The following PLEKHS1 variants were observed in gnomAD, a reference collection of about 807,000 sequenced individuals.
PLEKHS1 encodes the protein pleckstrin homology domain-containing family S member 1.
PLEKHS1 carries 55 observed loss-of-function variants against 51.0 expected under a neutral mutation model. The observed-to-expected ratio is 1.08, with a 90% confidence interval of 0.87 to 1.35. The LOEUF is 1.35. Among genes scored for constraint, PLEKHS1 ranks in the 40% most tolerant of loss-of-function variants. The pLI is 0.00. For synonymous variants in PLEKHS1, 153 were observed against 144.8 expected (o/e 1.06, Z -0.41); for missense variants, 398 against 423.0 (o/e 0.94, Z 0.52).
chr10:113,761,797 T>G (rs986653386), intron 2 of PLEKHS1, among the ~76,000 whole-genome samples: 8 of 152,064 alleles, frequency 5.3e-5, no homozygotes, highest in African/African-American at 1.9e-4. Flanking sequence ...TTTAAATAAG[T>G]TTGCTAAGAG....
exon 6 of PLEKHS1, chr10:113,768,862 A>T: frequency 6.2e-7 from 1 of 1,613,712 alleles, no homozygotes; most frequent in Non-Finnish European, 8.5e-7. Flanking sequence ...TTTCGCCAGG[A>T]TATAAAAGCA....
chr10:113,759,696 C>T (rs79657098), intron 2 of PLEKHS1, among the ~76,000 whole-genome samples: 26 of 151,978 alleles, frequency 1.7e-4, no homozygotes, highest in Non-Finnish European at 3.5e-4. Flanking sequence ...GTTGAATATC[C>T]AGGTTGCTTC....
chr10:113,772,193 C>A lies in PLEKHS1; in HGVS notation c.672+104C>A, dbSNP rs183495801. 8.1e-5 allele frequency: 102 copies of A among 1,257,860 alleles called. No homozygotes were observed. The African/African-American group carries it at 1.5e-3, about 18-fold the overall frequency. The allele number at this position is 1,257,860 out of a possible 1,614,324, so 77.9% of individuals were successfully genotyped here. On this transcript the variant is annotated intron_variant, in intron 8 of 11. Coordinates refer to ENST00000361048, the Ensembl canonical transcript of PLEKHS1. Reference sequence around the variant, plus strand: ...TATTAGGCTATGGTCAGTGGGAACACAGAAGTAAATCAAATACAGATGACG... The same window carrying A: ...TATTAGGCTATGGTCAGTGGGAACAAAGAAGTAAATCAAATACAGATGACG...
intron 7 of PLEKHS1, 110 bp downstream of exon 7, chr10:113,770,010 C>T (rs535528472): frequency 1.9e-5 from 15 of 791,494 alleles, no homozygotes; most frequent in South Asian, 5.8e-5. Flanking sequence ...CCTCAAAGCC[C>T]GATGCACTAT....
In PLEKHS1 at chr10:113,777,263, A is replaced by G. The variant is rs1186518839; in HGVS notation, c.1091+1397A>G. Reference sequence around the variant, plus strand: ...TACCCGGTCCATCCAGAAGGAGGTGAGTCGTACTGACCAGCCCTGAACAGG... The same window carrying G: ...TACCCGGTCCATCCAGAAGGAGGTGGGTCGTACTGACCAGCCCTGAACAGG... On this transcript the variant is annotated intron_variant, in intron 11 of 11. Coordinates refer to ENST00000361048, the Ensembl canonical transcript of PLEKHS1. 2.5e-6 allele frequency: 4 copies of G among 1,612,838 alleles called. No individual in the cohort carries two copies. In the South Asian group the frequency reaches 3.3e-5, roughly 13 times the overall value.
At chr10:113,777,740 G>A (rs370380782) in intron 11 of PLEKHS1, 2 of 1,471,572 alleles carry the variant, frequency 1.4e-6, no homozygotes, top group African/African-American at 2.8e-5. Context: ...ACCATGGAAT[G>A]TTATTCAAGC....
chr10:113,765,250 T>A (rs575462498), intron 2 of PLEKHS1: 77 of 550,998 alleles, frequency 1.4e-4, no homozygotes, highest in Non-Finnish European at 2.4e-4. Flanking sequence ...CTTTCATGAT[T>A]TTTTAGGTGG....
rs1301608252 is a variant in PLEKHS1, at chr10:113,774,821, T to C, written c.780-5T>C. 2 of 1,612,418 alleles carry C rather than the reference T, an allele frequency of 1.2e-6. No individual in the cohort carries two copies. Among genetic ancestry groups the C allele is most frequent in the Non-Finnish European group, 1.7e-6 (2 of 1,178,576 alleles). On this transcript the variant is annotated splice_polypyrimidine_tract_variant and splice_region_variant and intron_variant, in intron 9 of 11. Coordinates refer to ENST00000361048, the Ensembl canonical transcript of PLEKHS1. The stretch of plus-strand genomic sequence containing the variant: ...TAGGGCTTGTTTTAACTTCTTATGC[T>C]CTAGTTTTTTCAAAGAGACATCCCA...
intron 5 of PLEKHS1, among the ~76,000 whole-genome samples, chr10:113,768,372 G>T (rs986181847): frequency 2.0e-5 from 3 of 152,126 alleles, no homozygotes; most frequent in Non-Finnish European, 4.4e-5. Context: ...ATTGACCAAA[G>T]CTTCCTTTTA....
intron 1 of PLEKHS1, among the ~76,000 whole-genome samples, chr10:113,753,907 A>G (rs945992301): frequency 1.3e-5 from 2 of 151,888 alleles, no homozygotes; most frequent in Admixed American, 6.6e-5. Flanking sequence ...TTCTGGGTTC[A>G]TGTGATTCTT....
intron 6 of PLEKHS1, 114 bp downstream of exon 6, chr10:113,769,004 A>T: frequency 1.5e-6 from 1 of 651,262 alleles, no homozygotes; most frequent in Admixed American, 3.3e-5. Context: ...TACAAGGAAT[A>T]AATAAATGAG....
chr10:113,779,811 G>T (rs577881838), intron 11 of PLEKHS1, among the ~76,000 whole-genome samples: 131 of 152,220 alleles, frequency 8.6e-4, no homozygotes, highest in Non-Finnish European at 1.2e-3. Context: ...TGCTCGTTCT[G>T]CCTTCCCTTT....
At chr10:113,767,477 C>T in exon 5 of PLEKHS1, 1 of 1,605,902 alleles carries the variant, frequency 6.2e-7, no homozygotes, top group Non-Finnish European at 8.5e-7. Context: ...TTGGCCACGA[C>T]AGGTGAGAGA....
chr10:113,754,404 C>T (rs1854000035), intron 1 of PLEKHS1, among the ~76,000 whole-genome samples: 2 of 152,158 alleles, frequency 1.3e-5, no homozygotes, highest in South Asian at 4.1e-4. Context: ...GAGGGAGTCC[C>T]TTCTCTCCAT....
At chr10:113,769,132 T>C (rs1844290459) in intron 6 of PLEKHS1, among the ~76,000 whole-genome samples, 2 of 152,236 alleles carry the variant, frequency 1.3e-5, no homozygotes, top group African/African-American at 2.4e-5. Context: ...GGAAGAAAAG[T>C]TAACTGTGAC....
intron 2 of PLEKHS1, among the ~76,000 whole-genome samples, chr10:113,763,374 G>T (rs1844027048): frequency 6.6e-6 from 1 of 152,052 alleles, no homozygotes; most frequent in African/African-American, 2.4e-5. Flanking sequence ...GTTGAGTCTT[G>T]CTTTTTTATC....
At chr10:113,763,769 A>G (rs1844045843) in intron 2 of PLEKHS1, among the ~76,000 whole-genome samples, 1 of 152,182 alleles carries the variant, frequency 6.6e-6, no homozygotes, top group Non-Finnish European at 1.5e-5. Context: ...TTACTTGTAC[A>G]TATGTTATAA....
At chr10:113,776,401 A>C (rs1197409289) in intron 11 of PLEKHS1, among the ~76,000 whole-genome samples, 1 of 152,174 alleles carries the variant, frequency 6.6e-6, no homozygotes, top group Non-Finnish European at 1.5e-5. Context: ...TTTTTAAAAC[A>C]CTTTGTAATT....
chr10:113,766,747 A>C, intron 4 of PLEKHS1, 29 bp downstream of exon 4: 2 of 1,488,054 alleles, frequency 1.3e-6, no homozygotes, highest in Non-Finnish European at 1.8e-6. Context: ...AAACTTTTAT[A>C]ACAACAAATA....
Sources: gnomAD v4.1 joint callset for allele counts (sites outside exome capture counted in the v4.1 genomes callset) on GRCh38, gnomAD v4.1.1 for gene constraint, MANE v1.5 for transcripts, NCBI Gene and HGNC (gene_info 2026-07-23, HGNC 2026-07-21) for gene names.